ATG7: variants seen among roughly 807,000 people sequenced by gnomAD.
ATG7 encodes ubiquitin-like modifier-activating enzyme ATG7.
Under a neutral mutation model 82.4 loss-of-function variants are expected in ATG7, and 70 were observed. The observed-to-expected ratio is 0.85, with a 90% CI of 0.70 to 1.04. ATG7 has a LOEUF of 1.04. Among genes scored for constraint, ATG7 ranks in the 50% least tolerant of loss-of-function variants. The probability of loss-of-function intolerance (pLI) is 0.00; values close to 1 mark genes in which losing one functional copy is unlikely to be tolerated. For missense variants in ATG7, 792 were observed against 864.3 expected (o/e 0.92, Z 1.05); for synonymous variants, 287 against 313.0 (o/e 0.92, Z 0.88).
chr3:11,549,702 C>T (rs1211819238), intron 20 of ATG7, among the ~76,000 whole-genome samples: 3 of 152,196 alleles, frequency 2.0e-5, no homozygotes, highest in Non-Finnish European at 4.4e-5. Flanking sequence ...TGCGGACATT[C>T]TGGCTCAAGT....
intron 20 of ATG7, among the ~76,000 whole-genome samples, chr3:11,481,260 G>A (rs2088936837): frequency 6.6e-6 from 1 of 152,200 alleles, no homozygotes; most frequent in Middle Eastern, 3.2e-3. Flanking sequence ...TTGCACAACA[G>A]TGTGAATGCA....
intron 19 of ATG7, among the ~76,000 whole-genome samples, chr3:11,383,190 T>C (rs984811665): frequency 6.6e-6 from 1 of 152,216 alleles, no homozygotes; most frequent in African/African-American, 2.4e-5. Context: ...CAGGATCCAG[T>C]TGAGGATCAA....
chr3:11,396,194 C>T (rs530990646), intron 19 of ATG7, among the ~76,000 whole-genome samples: 1 of 151,732 alleles, frequency 6.6e-6, no homozygotes, highest in Non-Finnish European at 1.5e-5. Context: ...TGCCTGTAAT[C>T]CCAGCACTTT....
chr3:11,325,671 C>CAAAAAAAAA (rs879330549), intron 9 of ATG7, among the ~76,000 whole-genome samples: 1 of 103,844 alleles, frequency 9.6e-6, no homozygotes, highest in African/African-American at 3.3e-5. Flanking sequence ...AACTACATCT[C>CAAAAAAAAA]AAAAAAAAAA....
At chr3:11,426,686 C>T in intron 19 of ATG7, 118 bp from the exon 20 acceptor site, 1 of 1,009,358 alleles carries the variant, frequency 9.9e-7, no homozygotes, top group Non-Finnish European at 1.3e-6. Flanking sequence ...CATTATTATC[C>T]CCATGTTTAA....
intron 20 of ATG7, among the ~76,000 whole-genome samples, chr3:11,547,465 C>T (rs78309102): frequency 5.9e-5 from 9 of 152,136 alleles, no homozygotes; most frequent in Admixed American, 5.9e-4. Context: ...GAATACTTTC[C>T]TATGAATACT....
At chr3:11,441,102 G>A (rs1461874475) in intron 20 of ATG7, among the ~76,000 whole-genome samples, 1 of 152,170 alleles carries the variant, frequency 6.6e-6, no homozygotes, top group African/African-American at 2.4e-5. Flanking sequence ...GTAAACTGCT[G>A]TGGGATATTT....
chr3:11,370,552 C>T (rs578190992), intron 18 of ATG7, among the ~76,000 whole-genome samples: 1 of 151,270 alleles, frequency 6.6e-6, no homozygotes, highest in South Asian at 2.1e-4. Flanking sequence ...GCCAGGCCTG[C>T]TGGAAGCTAG....
intron 20 of ATG7, among the ~76,000 whole-genome samples, chr3:11,474,714 G>T (rs1325385721): frequency 6.6e-6 from 1 of 152,210 alleles, no homozygotes; most frequent in African/African-American, 2.4e-5. Context: ...GTCAGTAAAG[G>T]TCCCTCAGAG....
chr3:11,439,928 T>A lies in ATG7; in HGVS notation c.2079+13002T>A, dbSNP rs2083723318. ...TTAGGAGGTGACTATTATCCCATTT[T>A]ATGGATGAAGTTGTCAAGACTGTAG... On this transcript the variant is annotated intron_variant, in intron 20 of 20. Transcript: ENST00000693202. 2.0e-5 allele frequency among the ~76,000 whole-genome samples: 3 copies of A among 152,348 alleles called. No homozygotes were observed. The South Asian group carries it at 6.2e-4, about 32-fold the overall frequency.
chr3:11,337,547 G>A (rs1376489442), intron 11 of ATG7, among the ~76,000 whole-genome samples: 2 of 151,892 alleles, frequency 1.3e-5, no homozygotes, highest in Non-Finnish European at 2.9e-5. Flanking sequence ...TTATATGGAT[G>A]CAGGTATGGT....
At chr3:11,531,868 A>G (rs77023847) in intron 20 of ATG7, among the ~76,000 whole-genome samples, 1 of 5,842 alleles carries the variant, frequency 1.7e-4, no homozygotes, top group Admixed American at 2.4e-3. Context: ...CTGTCTCAGG[A>G]AAAAAAAAAA....
At chr3:11,411,650 T>TAAAA in intron 19 of ATG7, among the ~76,000 whole-genome samples, 1 of 92,542 alleles carries the variant, frequency 1.1e-5, no homozygotes, top group Non-Finnish European at 2.6e-5. Flanking sequence ...AAAAAAAAAT[T>TAAAA]CTTATCAGAT....
At chr3:11,549,042 TGCCA>T (rs926609117) in intron 20 of ATG7, among the ~76,000 whole-genome samples, 1 of 152,018 alleles carries the variant, frequency 6.6e-6, no homozygotes, top group Non-Finnish European at 1.5e-5. Context: ...GTGAGGTTCT[TGCCA>T]GCGTTATCTC....
chr3:11,533,586 C>A (rs1559808774), intron 20 of ATG7, among the ~76,000 whole-genome samples: 1 of 141,238 alleles, frequency 7.1e-6, no homozygotes, highest in Non-Finnish European at 1.5e-5. Context: ...AAAGCAGAAA[C>A]TCTTCTCTGA....
At chr3:11,401,723 C>G (rs933982086) in intron 19 of ATG7, among the ~76,000 whole-genome samples, 1 of 152,162 alleles carries the variant, frequency 6.6e-6, no homozygotes, top group African/African-American at 2.4e-5. Flanking sequence ...GTTCTGCCTC[C>G]TACTAAATGG....
At chr3:11,306,096 C>T (rs549433824) in intron 5 of ATG7, among the ~76,000 whole-genome samples, 9 of 151,838 alleles carry the variant, frequency 5.9e-5, no homozygotes, top group Non-Finnish European at 1.3e-4. Context: ...CTTCTCTTCT[C>T]CTGACTTTGC....
intron 20 of ATG7, among the ~76,000 whole-genome samples, chr3:11,436,647 G>A (rs1280717708): frequency 1.3e-5 from 2 of 152,174 alleles, no homozygotes; most frequent in Admixed American, 1.3e-4. Context: ...TTGTCAAAAA[G>A]TGGAAACAAT....
intron 19 of ATG7, among the ~76,000 whole-genome samples, chr3:11,396,793 A>AAAAAGG (rs2079324878): frequency 7.0e-6 from 1 of 143,698 alleles, no homozygotes; most frequent in Non-Finnish European, 1.5e-5. Flanking sequence ...AAAAAAAAAA[A>AAAAAGG]AAAAGAAAAG....
Sources: gnomAD v4.1 joint callset for allele counts (sites outside exome capture counted in the v4.1 genomes callset) on GRCh38, gnomAD v4.1.1 for gene constraint, MANE v1.5 for transcripts, NCBI Gene and HGNC (gene_info 2026-07-23, HGNC 2026-07-21) for gene names.